The following SLC39A8 variants were observed in gnomAD, a reference collection of about 807,000 sequenced individuals.
The protein encoded by SLC39A8 is solute carrier family 39 member 8, also known as metal cation symporter ZIP8.
In SLC39A8, 15 loss-of-function variants were observed where a neutral mutation model predicts 40.4. The ratio of observed to expected loss-of-function variants is 0.37; its 90% CI spans 0.25 to 0.57. The LOEUF is 0.57. Ranked by LOEUF, SLC39A8 falls within the 20% of genes least tolerant of loss-of-function variation. The probability of loss-of-function intolerance (pLI) is 0.75; values close to 1 mark genes in which losing one functional copy is unlikely to be tolerated. For synonymous variants in SLC39A8, 223 were observed against 221.6 expected, an observed-to-expected ratio of 1.01 and a Z score of -0.06; for missense variants, 472 against 558.8, an observed-to-expected ratio of 0.84 and a Z score of 1.57.
chr4:102,301,854 A>G (rs1446515051), intron 6 of SLC39A8, among the ~76,000 whole-genome samples: 2 of 152,034 alleles, frequency 1.3e-5, no homozygotes, highest in Non-Finnish European at 1.5e-5. Context: ...AAAATAATTT[A>G]GCCTCTCACA....
At chr4:102,254,662 T>C (rs1731669616) in intron 11 of SLC39A8, among the ~76,000 whole-genome samples, 1 of 152,240 alleles carries the variant, frequency 6.6e-6, no homozygotes, top group Admixed American at 6.5e-5. Flanking sequence ...GAAAACATGA[T>C]GTATGAAGTG....
At chr4:102,263,250 C>T (rs2149001586) in intron 8 of SLC39A8, 57 bp from the exon 9 acceptor site, 2 of 1,507,046 alleles carry the variant, frequency 1.3e-6, no homozygotes, top group Middle Eastern at 1.7e-4. Flanking sequence ...AACCACAAAA[C>T]AGTCACTTAG....
chr4:102,307,675 T>G, intron 3 of SLC39A8, 70 bp from the exon 4 acceptor site: 1 of 1,478,122 alleles, frequency 6.8e-7, no homozygotes, highest in East Asian at 2.3e-5. Flanking sequence ...TTCCTGTACA[T>G]TAAGCTTAAA....
intron 11 of SLC39A8, chr4:102,253,497 T>G (rs1386100254): frequency 5.8e-6 from 4 of 683,990 alleles, no homozygotes; most frequent in Non-Finnish European, 1.1e-5. Flanking sequence ...TCCGTAATCT[T>G]TCAGTCCTCT....
chr4:102,264,795 C>A (rs1283470163), intron 8 of SLC39A8, among the ~76,000 whole-genome samples: 1 of 152,216 alleles, frequency 6.6e-6, no homozygotes, highest in African/African-American at 2.4e-5. Context: ...ACTTTTATGT[C>A]ATACAGATGG....
intron 7 of SLC39A8, 33 bp from the exon 8 acceptor site, chr4:102,267,707 A>G (rs925009743): frequency 1.3e-6 from 2 of 1,550,898 alleles, no homozygotes; most frequent in African/African-American, 2.9e-5. Context: ...TCAAGTGAAT[A>G]GTTTTTTTTT....
At chr4:102,258,095 G>T (rs181457501), downstream of SLC39A8, among the ~76,000 whole-genome samples, 5 of 145,700 alleles carry the variant, frequency 3.4e-5, no homozygotes, top group South Asian at 8.3e-4. Flanking sequence ...TTGTAAGTAA[G>T]TGTTTTTTGT....
rs145207256 is a variant in SLC39A8 at position 102,256,440 on chromosome 4, C to T, written c.*299-3010G>A. On this transcript the variant is annotated intron_variant and NMD_transcript_variant, in intron 11 of 11. Transcript: ENST00000424970. ...ATACGTGATGATTCATGCTTAAGGA[C>T]GTGTTGTTGGACAGTTGGTTACAGT... Among the ~76,000 whole-genome samples, 34 of 152,208 alleles carry T rather than the reference C, an allele frequency of 2.2e-4. No individual in the cohort carries two copies. The East Asian group carries it at 5.8e-3, about 26-fold the overall frequency.
At chr4:102,277,257 A>C (rs527927830) in intron 6 of SLC39A8, among the ~76,000 whole-genome samples, 22 of 152,346 alleles carry the variant, frequency 1.4e-4, no homozygotes, top group African/African-American at 5.3e-4. Context: ...CTCAGCCCCA[A>C]AACTCCTTAA....
Position 102,262,468 on chromosome 4 carries a change from A to C in SLC39A8, c.*576T>G, listed in dbSNP as rs756464224. ...ATTATTTTAGAATGGTTTTCAAAAT[A>C]ATACTGCAAGTTCCTAATTGAAATA... On this transcript the variant is annotated 3_prime_UTR_variant, in exon 9 of 9. Coordinates refer to ENST00000356736, the MANE Select transcript of SLC39A8 (RefSeq NM_001135146.2). 1.0e-6 allele frequency: 1 copy of C among 985,342 alleles called. No individual in the cohort carries two copies. Among genetic ancestry groups the C allele is most frequent in the Non-Finnish European group, 1.2e-6 (1 of 829,704 alleles). 61.0% of individuals were successfully genotyped at this position (985,342 alleles called of 1,614,324 possible).
intron 11 of SLC39A8, among the ~76,000 whole-genome samples, chr4:102,255,785 T>A (rs1731695580): frequency 6.6e-6 from 1 of 152,178 alleles, no homozygotes; most frequent in African/African-American, 2.4e-5. Flanking sequence ...TAATACCACT[T>A]TCACCAGTTT....
intron 6 of SLC39A8, among the ~76,000 whole-genome samples, chr4:102,290,315 G>A (rs1733369993): frequency 6.6e-6 from 1 of 152,086 alleles, no homozygotes; most frequent in South Asian, 2.1e-4. Flanking sequence ...TATATTCACT[G>A]GGAAACCAGA....
downstream of SLC39A8, chr4:102,259,475 G>C: frequency 6.5e-7 from 1 of 1,548,364 alleles, no homozygotes; most frequent in Non-Finnish European, 8.7e-7. Flanking sequence ...CAAAGTAAAT[G>C]AAGTTGAGAT....
At chr4:102,257,712 C>T (rs1349598386), downstream of SLC39A8, among the ~76,000 whole-genome samples, 2 of 152,194 alleles carry the variant, frequency 1.3e-5, no homozygotes, top group East Asian at 1.9e-4. Context: ...TGCAAATGCA[C>T]GAAGTCCCAT....
At chr4:102,300,357 A>G (rs1310832596) in intron 6 of SLC39A8, among the ~76,000 whole-genome samples, 4 of 152,218 alleles carry the variant, frequency 2.6e-5, no homozygotes, top group Middle Eastern at 6.8e-3. Flanking sequence ...TTATATGACT[A>G]AACACAGATA....
chr4:102,255,804 C>A (rs776636883), intron 11 of SLC39A8, among the ~76,000 whole-genome samples: 1 of 152,172 alleles, frequency 6.6e-6, no homozygotes, highest in Non-Finnish European at 1.5e-5. Context: ...TTTGTCACCA[C>A]AAAGTGACAG....
intron 6 of SLC39A8, among the ~76,000 whole-genome samples, chr4:102,273,065 C>T (rs1028273001): frequency 5.3e-5 from 8 of 152,254 alleles, no homozygotes; most frequent in South Asian, 4.2e-4. Context: ...TTTCCATACC[C>T]CAGTGGTGCC....
In SLC39A8 at chr4:102,304,397, C is replaced by T. The variant is rs566496467; in HGVS notation, c.760G>A (p.Val254Met). ...QPKALPAING[V>M]TCYANPAVTE... ...ACAGCAGGATTTGCATAGCATGTCA[C>T]ACCATTGATGGCAGGTAATGCTTTA... The change falls in exon 6 of 9, where the codon GTG (valine) becomes ATG (methionine). Residue 254 changes from valine (V) to methionine (M), a missense_variant. Coordinates refer to ENST00000356736, the MANE Select transcript of SLC39A8 (RefSeq NM_001135146.2). 19 of 1,611,664 alleles carry T rather than the reference C, an allele frequency of 1.2e-5. No individual in the cohort carries two copies. The South Asian group carries it at 2.0e-4, about 17-fold the overall frequency.
chr4:102,312,737 A>G (rs767587040), intron 3 of SLC39A8, among the ~76,000 whole-genome samples: 14 of 152,136 alleles, frequency 9.2e-5, no homozygotes, highest in Admixed American at 4.6e-4. Context: ...TGTTCGAAGT[A>G]CTTTACAAAT....
Sources: gnomAD v4.1 joint callset for allele counts (sites outside exome capture counted in the v4.1 genomes callset) on GRCh38, gnomAD v4.1.1 for gene constraint, MANE v1.5 for transcripts, NCBI Gene and HGNC (gene_info 2026-07-23, HGNC 2026-07-21) for gene names.